TBC1D9: variants seen among roughly 807,000 people sequenced by gnomAD.
The protein encoded by TBC1D9 is TBC1 domain family member 9.
TBC1D9 carries 63 observed loss-of-function variants against 132.0 expected under a neutral mutation model. That is an observed-to-expected ratio of 0.48 (90% CI 0.39 to 0.59). The LOEUF (loss-of-function observed/expected upper bound fraction) is 0.59. Ranked by LOEUF, TBC1D9 falls within the 20% of genes least tolerant of loss-of-function variation. The pLI is 0.00. For missense variants in TBC1D9, 1,261 were observed against 1,592.7 expected (o/e 0.79, Z 3.54); for synonymous variants, 610 against 609.9 (o/e 1.00, Z 0.00).
chr4:140,643,416 G>T (rs925657925), intron 13 of TBC1D9: 1 of 672,512 alleles, frequency 1.5e-6, no homozygotes, highest in Non-Finnish European at 2.4e-6. Flanking sequence ...GCCAGCCAGT[G>T]GGTCTTCCAG....
At position 140,624,154 on chromosome 4, in the gene TBC1D9, T is replaced by TAGATTTATTTTCTG; in HGVS notation, c.3026_3039dup (p.Lys1014GlnfsTer16). Reference sequence around the variant, plus strand: ...GGTAAATCCTTTGCATTCTTTGACTTAGATTTATTTTCTGGAGTCCACAGT... The same window carrying TAGATTTATTTTCTG: ...GGTAAATCCTTTGCATTCTTTGACTTAGATTTATTTTCTGAGATTTATTTTCTGGAGTCCACAGT... On this transcript the variant is annotated frameshift_variant, in exon 20 of 21. Transcript: ENST00000442267. LOFTEE classifies it high-confidence loss of function. 1 of 1,611,542 alleles carries TAGATTTATTTTCTG rather than the reference T, an allele frequency of 6.2e-7. No homozygotes were observed. The highest frequency in any genetic ancestry group is 8.5e-7 in the Non-Finnish European group (1 of 1,178,562).
chr4:140,704,115 G>A (rs1407358004), intron 1 of TBC1D9, among the ~76,000 whole-genome samples: 6 of 152,134 alleles, frequency 3.9e-5, no homozygotes, highest in Non-Finnish European at 8.8e-5. Flanking sequence ...ATCAGCCTGT[G>A]GGCTAGGCGC....
intron 13 of TBC1D9, chr4:140,641,806 A>G (rs1737000858): frequency 3.4e-6 from 1 of 290,162 alleles, no homozygotes; most frequent in Non-Finnish European, 6.6e-6. Flanking sequence ...CTACACTGCC[A>G]AGAACCCAGA....
chr4:140,652,250 A>T (rs1472820935), intron 13 of TBC1D9, among the ~76,000 whole-genome samples: 1 of 152,140 alleles, frequency 6.6e-6, no homozygotes, highest in Non-Finnish European at 1.5e-5. Flanking sequence ...CAAATAAAAA[A>T]AAAAAAAAAA....
Position 140,622,162 on chromosome 4 carries a change from C to T in TBC1D9, c.*33G>A. On this transcript the variant is annotated 3_prime_UTR_variant, in exon 21 of 21. Coordinates refer to ENST00000442267, the MANE Select transcript of TBC1D9 (RefSeq NM_015130.3). ...AGAACATAAAAAATCCCTCCCCTCC[C>T]TCTCCTCCCACTCCCCCGGGAAGGC... 6.5e-7 allele frequency: 1 copy of T among 1,527,288 alleles called. No homozygotes were observed. Among genetic ancestry groups the T allele is most frequent in the Non-Finnish European group, 8.8e-7 (1 of 1,133,608 alleles). 94.6% of individuals were successfully genotyped at this position (1,527,288 alleles called of 1,614,324 possible). A position where few individuals can be genotyped will look rare whatever the true frequency, so the allele number is the denominator to read the frequency against.
intron 11 of TBC1D9, among the ~76,000 whole-genome samples, chr4:140,658,823 A>G (rs1737312512): frequency 1.3e-5 from 2 of 152,014 alleles, no homozygotes; most frequent in African/African-American, 4.8e-5. Flanking sequence ...AAAAAAAAAA[A>G]TCACACTTCT....
intron 1 of TBC1D9, among the ~76,000 whole-genome samples, chr4:140,732,726 A>C (rs1244791742): frequency 6.6e-6 from 1 of 152,146 alleles, no homozygotes; most frequent in African/African-American, 2.4e-5. Context: ...CAAGCCCTAA[A>C]ATTCCTTCAC....
At chr4:140,699,688 G>A (rs533487661) in intron 2 of TBC1D9, among the ~76,000 whole-genome samples, 8 of 152,216 alleles carry the variant, frequency 5.3e-5, no homozygotes, top group African/African-American at 1.2e-4. Flanking sequence ...GGATATGACC[G>A]ACTAACTATA....
In TBC1D9 at chr4:140,696,709, C is replaced by T. The variant is rs180902635; in HGVS notation, c.241+4795G>A. ...CTGCTCTATGTGGTCTATGTCAAGA[C>T]ATTGGTCGCAGATGCTCCCTTTAAT... On this transcript the variant is annotated intron_variant, in intron 2 of 20. Coordinates refer to ENST00000442267, the MANE Select transcript of TBC1D9 (RefSeq NM_015130.3). Among the ~76,000 whole-genome samples the T allele has an allele frequency of 4.5e-4, 68 of 152,244 alleles. No individual in the cohort carries two copies. In the East Asian group the frequency reaches 7.9e-3, roughly 18 times the overall value.
chr4:140,656,261 C>A (rs1737270634), intron 13 of TBC1D9, among the ~76,000 whole-genome samples: 1 of 152,160 alleles, frequency 6.6e-6, no homozygotes. Flanking sequence ...CCCATCACAA[C>A]AGTGTTGGAA....
At chr4:140,639,181 T>C (rs1461867393) in intron 14 of TBC1D9, 27 bp from the exon 15 acceptor site, 2 of 1,541,520 alleles carry the variant, frequency 1.3e-6, no homozygotes, top group Non-Finnish European at 1.8e-6. Flanking sequence ...CAAAATGAAT[T>C]TCACAAACTC....
chr4:140,643,569 G>GA, intron 13 of TBC1D9: 1 of 883,790 alleles, frequency 1.1e-6, no homozygotes, highest in Non-Finnish European at 1.7e-6. Context: ...GCTGGGCTGG[G>GA]GCTCGCTCAG....
intron 1 of TBC1D9, among the ~76,000 whole-genome samples, chr4:140,710,586 T>C (rs1738227865): frequency 6.6e-6 from 1 of 152,168 alleles, no homozygotes; most frequent in Non-Finnish European, 1.5e-5. Flanking sequence ...CCAATTAGTA[T>C]GTGCTGCTCA....
At chr4:140,717,612 C>T (rs1480034400) in intron 1 of TBC1D9, among the ~76,000 whole-genome samples, 2 of 152,224 alleles carry the variant, frequency 1.3e-5, no homozygotes, top group East Asian at 1.9e-4. Flanking sequence ...GGCATCTCAT[C>T]TCAGAACTTG....
chr4:140,651,191 A>G (rs1737182597), intron 13 of TBC1D9, among the ~76,000 whole-genome samples: 1 of 152,242 alleles, frequency 6.6e-6, no homozygotes, highest in Non-Finnish European at 1.5e-5. Context: ...AAACCTGGCT[A>G]GGCACAGTGG....
intron 2 of TBC1D9, among the ~76,000 whole-genome samples, chr4:140,689,647 C>T (rs1314734030): frequency 3.7e-4 from 11 of 29,686 alleles, no homozygotes; most frequent in Admixed American, 2.7e-3. Flanking sequence ...CCCTCTCCCC[C>T]CCTCTCCCCT....
chr4:140,684,818 G>A (rs1475229027), intron 3 of TBC1D9, among the ~76,000 whole-genome samples: 1 of 151,418 alleles, frequency 6.6e-6, no homozygotes, highest in Non-Finnish European at 1.5e-5. Context: ...CAACAAGAGT[G>A]AAACTCTGTC....
At chr4:140,712,696 T>C (rs1308296964) in intron 1 of TBC1D9, among the ~76,000 whole-genome samples, 1 of 150,530 alleles carries the variant, frequency 6.6e-6, no homozygotes, top group Non-Finnish European at 1.5e-5. Flanking sequence ...GAAGCCGAGA[T>C]CACGCCATTG....
At chr4:140,630,425 C>T (rs945896091) in intron 16 of TBC1D9, among the ~76,000 whole-genome samples, 11 of 152,184 alleles carry the variant, frequency 7.2e-5, no homozygotes, top group African/African-American at 2.2e-4. Context: ...CCAACCTTCT[C>T]GGACCCCTGC....
Sources: allele counts gnomAD v4.1 joint callset (sites outside exome capture counted in the v4.1 genomes callset), GRCh38; gene constraint gnomAD v4.1.1; transcripts MANE v1.5; gene names NCBI Gene and HGNC (gene_info 2026-07-23, HGNC 2026-07-21).